RAB38: variants seen among roughly 807,000 people sequenced by gnomAD.
RAB38 encodes the protein RAB38, member RAS oncogene family, also known as ras-related protein Rab-38.
Under a neutral mutation model 18.4 loss-of-function variants are expected in RAB38, and 15 were observed. The observed-to-expected ratio is 0.82, with a 90% CI of 0.55 to 1.26. RAB38 has a LOEUF of 1.26. Among genes scored for constraint, RAB38 ranks in the 50% most tolerant of loss-of-function variants. RAB38 has a pLI of 0.00. For missense variants in RAB38, 294 were observed against 267.4 expected (o/e 1.10, Z -0.69); for synonymous variants, 101 against 104.4 (o/e 0.97, Z 0.20).
the RAB38 span, among the ~76,000 whole-genome samples, chr11:87,930,327 A>G: frequency 6.6e-6 from 1 of 152,032 alleles, no homozygotes; most frequent in South Asian, 2.1e-4. Flanking sequence ...GATGATGAGT[A>G]TTTTTTCATG....
chr11:87,973,644 G>T, the RAB38 span, among the ~76,000 whole-genome samples: 1 of 142,494 alleles, frequency 7.0e-6, no homozygotes, highest in Non-Finnish European at 1.6e-5. Flanking sequence ...CAGTGTGGAG[G>T]GTACTCAGAA....
chr11:88,167,589 T>C (rs1943260039), intron 1 of RAB38: 1 of 152,136 alleles, frequency 6.6e-6, no homozygotes, highest in African/African-American at 2.4e-5. Flanking sequence ...GATGAGATAT[T>C]TATTTTATAA....
chr11:88,091,432 A>T, the RAB38 span, among the ~76,000 whole-genome samples: 1 of 151,920 alleles, frequency 6.6e-6, no homozygotes, highest in Admixed American at 6.6e-5. Context: ...AGAGACTTTG[A>T]CTAATGTTAC....
At chr11:87,906,404 G>C in the RAB38 span, among the ~76,000 whole-genome samples, 1 of 151,858 alleles carries the variant, frequency 6.6e-6, no homozygotes, top group Non-Finnish European at 1.5e-5. Context: ...TAATGTTTCT[G>C]AGTTTTGCTG....
At chr11:87,929,355 C>CT in the RAB38 span, among the ~76,000 whole-genome samples, 70 of 147,768 alleles carry the variant, frequency 4.7e-4, no homozygotes, top group African/African-American at 1.4e-3. Flanking sequence ...TATCTCATTC[C>CT]TTTTTTTTTT....
the RAB38 span, among the ~76,000 whole-genome samples, chr11:87,856,865 T>G: frequency 4.6e-5 from 7 of 151,404 alleles, no homozygotes; most frequent in Non-Finnish European, 7.4e-5. Context: ...TAAAATTTTC[T>G]TTTTTTTAAA....
the RAB38 span, among the ~76,000 whole-genome samples, chr11:87,827,773 A>G: frequency 6.6e-6 from 1 of 152,168 alleles, no homozygotes; most frequent in Non-Finnish European, 1.5e-5. Flanking sequence ...AGCACACTGA[A>G]TTTATCTCTT....
chr11:87,953,797 T>C, the RAB38 span, among the ~76,000 whole-genome samples: 2 of 152,108 alleles, frequency 1.3e-5, no homozygotes, highest in South Asian at 4.2e-4. Flanking sequence ...AACAATACTG[T>C]ATGTTTCTCT....
the RAB38 span, among the ~76,000 whole-genome samples, chr11:88,092,093 G>A: frequency 6.6e-6 from 1 of 151,710 alleles, no homozygotes; most frequent in Non-Finnish European, 1.5e-5. Flanking sequence ...TGATCAATGA[G>A]GGGAGGTAGG....
chr11:87,831,097 G>C, the RAB38 span, among the ~76,000 whole-genome samples: 1 of 152,158 alleles, frequency 6.6e-6, no homozygotes, highest in African/African-American at 2.4e-5. Flanking sequence ...GTGAGCTACC[G>C]TGCCTAGCTG....
the RAB38 span, among the ~76,000 whole-genome samples, chr11:87,951,837 C>A: frequency 6.6e-6 from 1 of 152,154 alleles, no homozygotes; most frequent in Non-Finnish European, 1.5e-5. Context: ...TTAGGCTACT[C>A]GGGTGTCAGG....
chr11:88,009,416 A>G, the RAB38 span, among the ~76,000 whole-genome samples: 3 of 152,168 alleles, frequency 2.0e-5, no homozygotes, highest in Admixed American at 6.5e-5. Context: ...TATAAACAAG[A>G]GATATAAAAA....
At chr11:88,133,831 G>T (rs1456324996) in intron 2 of RAB38, among the ~76,000 whole-genome samples, 2 of 152,116 alleles carry the variant, frequency 1.3e-5, no homozygotes, top group Admixed American at 6.5e-5. Context: ...TCTTATTAGG[G>T]CTGTCTACTG....
chr11:87,919,258 G>A, the RAB38 span, among the ~76,000 whole-genome samples: 3 of 151,854 alleles, frequency 2.0e-5, no homozygotes, highest in Admixed American at 6.6e-5. Context: ...TTTTTATATG[G>A]CCTTTATTGT....
the RAB38 span, among the ~76,000 whole-genome samples, chr11:87,807,775 G>A: frequency 6.6e-6 from 1 of 152,094 alleles, no homozygotes; most frequent in Non-Finnish European, 1.5e-5. Context: ...AAGGAGTAAT[G>A]TATGGCTGGT....
the RAB38 span, among the ~76,000 whole-genome samples, chr11:87,845,571 T>C: frequency 2.6e-5 from 4 of 152,104 alleles, no homozygotes; most frequent in African/African-American, 9.7e-5. Flanking sequence ...TGAATACATG[T>C]GTATCTGAAG....
At chr11:88,006,620 A>G in the RAB38 span, among the ~76,000 whole-genome samples, 2 of 85,368 alleles carry the variant, frequency 2.3e-5, no homozygotes, top group Non-Finnish European at 5.1e-5. Context: ...ATATATATGT[A>G]TATATAATAT....
the RAB38 span, among the ~76,000 whole-genome samples, chr11:87,842,474 A>C: frequency 6.6e-6 from 1 of 152,310 alleles, no homozygotes; most frequent in East Asian, 1.9e-4. Context: ...CCTCTTGCGC[A>C]GTCGGAGAGG....
At chr11:88,166,396 G>A (rs559970218) in intron 1 of RAB38, 6 of 152,148 alleles carry the variant, frequency 3.9e-5, no homozygotes, top group East Asian at 3.9e-4. Context: ...TAAAAAATAC[G>A]TTTTTAATTA....
Sources: gnomAD v4.1 joint callset for allele counts (sites outside exome capture counted in the v4.1 genomes callset) on GRCh38, gnomAD v4.1.1 for gene constraint, MANE v1.5 for transcripts, NCBI Gene and HGNC (gene_info 2026-07-23, HGNC 2026-07-21) for gene names.